The following ATXN1 variants were observed in gnomAD, a reference collection of about 807,000 sequenced individuals.
The protein encoded by ATXN1 is ataxin-1.
Under a neutral mutation model 56.4 loss-of-function variants are expected in ATXN1, and 8 were observed. The ratio of observed to expected loss-of-function variants is 0.14; its 90% CI spans 0.08 to 0.26. The LOEUF (loss-of-function observed/expected upper bound fraction) is 0.26, where lower values mean the gene tolerates loss of function less well. ATXN1 is among the 10% of genes least tolerant of loss of function. The pLI, the probability that ATXN1 is intolerant of heterozygous loss-of-function variation, is 1.00. For synonymous variants in ATXN1, 514 were observed against 494.6 expected (o/e 1.04, Z -0.52); for missense variants, 987 against 1,106.5 (o/e 0.89, Z 1.53).
At chr6:16,373,411 C>A (rs1762084019) in intron 6 of ATXN1, among the ~76,000 whole-genome samples, 1 of 152,144 alleles carries the variant, frequency 6.6e-6, no homozygotes, top group African/African-American at 2.4e-5. Context: ...AGACAAATGG[C>A]AGATGGAAAC....
chr6:16,716,102 T>C (rs756782), intron 2 of ATXN1, among the ~76,000 whole-genome samples: 84,623 of 151,922 alleles, frequency 0.56, 23,820 homozygotes, highest in South Asian at 0.68. Flanking sequence ...ATGATCACAG[T>C]CCTATGATGA....
intron 5 of ATXN1, among the ~76,000 whole-genome samples, chr6:16,488,605 A>G (rs1395575718): frequency 6.6e-6 from 1 of 152,162 alleles, no homozygotes. Flanking sequence ...TAATTCTTCC[A>G]CTAAGGAAAA....
intron 3 of ATXN1, among the ~76,000 whole-genome samples, chr6:16,617,814 T>C (rs1457791138): frequency 6.7e-6 from 1 of 149,612 alleles, no homozygotes; most frequent in East Asian, 2.0e-4. Flanking sequence ...AAACATTTAG[T>C]TTTTATTAGT....
At chr6:16,730,487 G>GTATATATATATATATA (rs4052880) in intron 2 of ATXN1, among the ~76,000 whole-genome samples, 2 of 132,056 alleles carry the variant, frequency 1.5e-5, no homozygotes, top group East Asian at 4.1e-4. Context: ...AAAACAGTAT[G>GTATATATATATATATA]TATATATATA....
At chr6:16,460,740 G>A (rs1225209825) in intron 6 of ATXN1, among the ~76,000 whole-genome samples, 1 of 152,174 alleles carries the variant, frequency 6.6e-6, no homozygotes, top group Non-Finnish European at 1.5e-5. Context: ...TATACCGATG[G>A]AAGTTCATTT....
intron 2 of ATXN1, among the ~76,000 whole-genome samples, chr6:16,734,640 G>A (rs919188040): frequency 4.6e-5 from 7 of 151,950 alleles, no homozygotes; most frequent in South Asian, 2.1e-4. Flanking sequence ...CCTGAGTAGC[G>A]GGGACCACAG....
At chr6:16,565,094 G>C (rs896689493) in intron 4 of ATXN1, among the ~76,000 whole-genome samples, 1 of 152,172 alleles carries the variant, frequency 6.6e-6, no homozygotes, top group Non-Finnish European at 1.5e-5. Flanking sequence ...CTTAGCTCCT[G>C]CATTCTGTTT....
chr6:16,453,028 T>C (rs1759783922), intron 6 of ATXN1, among the ~76,000 whole-genome samples: 1 of 152,194 alleles, frequency 6.6e-6, no homozygotes, highest in Non-Finnish European at 1.5e-5. Context: ...CGAAAGTGAT[T>C]TAGTCTTTAA....
At chr6:16,579,523 G>C (rs1005679702) in intron 4 of ATXN1, among the ~76,000 whole-genome samples, 2 of 112,760 alleles carry the variant, frequency 1.8e-5, no homozygotes, top group South Asian at 3.0e-4. Context: ...GTCCAAGGGC[G>C]TTTCACTTGA....
chr6:16,691,634 A>C (rs1210268015), intron 2 of ATXN1, among the ~76,000 whole-genome samples: 1 of 152,256 alleles, frequency 6.6e-6, no homozygotes. Context: ...AAACATGTTA[A>C]AGGGTGGTAA....
chr6:16,565,578 T>C (rs1762202480), intron 4 of ATXN1, among the ~76,000 whole-genome samples: 1 of 152,166 alleles, frequency 6.6e-6, no homozygotes, highest in Non-Finnish European at 1.5e-5. Flanking sequence ...ATAGTAATAA[T>C]AATAATTTCC....
At chr6:16,722,866 G>A (rs1396397234) in intron 2 of ATXN1, among the ~76,000 whole-genome samples, 1 of 152,156 alleles carries the variant, frequency 6.6e-6, no homozygotes, top group Non-Finnish European at 1.5e-5. Flanking sequence ...AGTAACATGC[G>A]AGTTTTCTGC....
chr6:16,552,929 G>A (rs1184506083), intron 4 of ATXN1, among the ~76,000 whole-genome samples: 1 of 152,242 alleles, frequency 6.6e-6, no homozygotes, highest in Non-Finnish European at 1.5e-5. Context: ...TATTTCCGAT[G>A]ACAGAATAGC....
At chr6:16,638,943 G>A (rs1172233721) in intron 3 of ATXN1, among the ~76,000 whole-genome samples, 2 of 152,336 alleles carry the variant, frequency 1.3e-5, no homozygotes, top group East Asian at 3.9e-4. Flanking sequence ...GGTGAAGCCA[G>A]CTGGACTTCT....
chr6:16,580,937 A>C (rs192788452), intron 4 of ATXN1, among the ~76,000 whole-genome samples: 6 of 152,246 alleles, frequency 3.9e-5, no homozygotes, highest in Admixed American at 3.9e-4. Flanking sequence ...CTGAAAGATA[A>C]ATTTTGGGGA....
At chr6:16,403,926 C>T (rs1758633138) in intron 6 of ATXN1, among the ~76,000 whole-genome samples, 1 of 151,818 alleles carries the variant, frequency 6.6e-6, no homozygotes, top group Non-Finnish European at 1.5e-5. Flanking sequence ...AAAAAAAAAT[C>T]TCAAAGTAAA....
chr6:16,452,060 C>T (rs1264924056), intron 6 of ATXN1, among the ~76,000 whole-genome samples: 1 of 152,152 alleles, frequency 6.6e-6, no homozygotes, highest in Non-Finnish European at 1.5e-5. Flanking sequence ...GCCTATAACA[C>T]ACGAGGTTGT....
intron 2 of ATXN1, among the ~76,000 whole-genome samples, chr6:16,702,132 C>T (rs1460677351): frequency 6.6e-6 from 1 of 152,122 alleles, no homozygotes; most frequent in African/African-American, 2.4e-5. Context: ...GGTACCAAAA[C>T]AGAGATATAG....
intron 6 of ATXN1, among the ~76,000 whole-genome samples, chr6:16,476,973 C>T (rs928836918): frequency 6.6e-6 from 1 of 152,222 alleles, no homozygotes; most frequent in Non-Finnish European, 1.5e-5. Context: ...TTCAGTGGAA[C>T]AAATGACAAC....
Sources: allele counts gnomAD v4.1 joint callset (sites outside exome capture counted in the v4.1 genomes callset), GRCh38; gene constraint gnomAD v4.1.1; transcripts MANE v1.5; gene names NCBI Gene and HGNC (gene_info 2026-07-23, HGNC 2026-07-21).